Variants in CA10 observed in about 807,000 individuals in gnomAD.
CA10 encodes carbonic anhydrase-related protein 10.
A neutral mutation model predicts 44.2 loss-of-function variants in CA10; 14 were observed. That is an observed-to-expected ratio of 0.32 (90% CI 0.21 to 0.50). The LOEUF is 0.50. Among genes scored for constraint, CA10 ranks in the 20% least tolerant of loss-of-function variants. The pLI is 0.99. For missense variants in CA10, 350 were observed against 409.7 expected, an observed-to-expected ratio of 0.85 and a Z score of 1.26; for synonymous variants, 159 against 141.6, an observed-to-expected ratio of 1.12 and a Z score of -0.87.
At chr17:52,081,069 C>T (rs1987962535) in intron 1 of CA10, among the ~76,000 whole-genome samples, 1 of 152,066 alleles carries the variant, frequency 6.6e-6, no homozygotes, top group South Asian at 2.1e-4. Context: ...CCCACAATCA[C>T]TTTTGTGTAA....
chr17:51,980,341 G>A (rs1347693184), intron 2 of CA10, among the ~76,000 whole-genome samples: 1 of 152,082 alleles, frequency 6.6e-6, no homozygotes, highest in Non-Finnish European at 1.5e-5. Context: ...TTTGAAAAGT[G>A]TCCCTTCATG....
intron 3 of CA10, among the ~76,000 whole-genome samples, chr17:51,784,792 C>T (rs565749905): frequency 6.6e-6 from 1 of 152,192 alleles, no homozygotes; most frequent in Non-Finnish European, 1.5e-5. Context: ...TCCAATTATA[C>T]TCTTTATTTA....
At chr17:51,950,626 G>C (rs1416272051) in intron 2 of CA10, among the ~76,000 whole-genome samples, 2 of 152,076 alleles carry the variant, frequency 1.3e-5, no homozygotes, top group East Asian at 3.9e-4. Context: ...GGAGGAGATA[G>C]TTCCCTATTA....
chr17:52,061,784 G>A (rs965002036), intron 2 of CA10, among the ~76,000 whole-genome samples: 3 of 152,142 alleles, frequency 2.0e-5, no homozygotes, highest in African/African-American at 4.8e-5. Flanking sequence ...GTGGAACTGT[G>A]AGTCAATTAA....
At chr17:52,111,159 T>C (rs141220344) in intron 1 of CA10, among the ~76,000 whole-genome samples, 15 of 152,302 alleles carry the variant, frequency 9.8e-5, no homozygotes, top group Admixed American at 5.9e-4. Context: ...TTGCCAAGAC[T>C]ACACAAGGTT....
intron 4 of CA10, among the ~76,000 whole-genome samples, chr17:51,657,322 C>A (rs1913832950): frequency 6.6e-6 from 1 of 152,152 alleles, no homozygotes; most frequent in Admixed American, 6.5e-5. Context: ...CAGGTCTTAA[C>A]CATGAAAAAG....
intron 1 of CA10, among the ~76,000 whole-genome samples, chr17:52,129,245 T>A (rs1462915695): frequency 1.3e-5 from 2 of 152,228 alleles, no homozygotes; most frequent in African/African-American, 4.8e-5. Flanking sequence ...GGTCTTATAT[T>A]GTTTTATGTG....
intron 3 of CA10, among the ~76,000 whole-genome samples, chr17:51,851,845 C>T (rs1294248718): frequency 6.6e-6 from 1 of 152,242 alleles, no homozygotes; most frequent in East Asian, 1.9e-4. Context: ...GAGCCAAACA[C>T]TTAACTTGTT....
intron 3 of CA10, among the ~76,000 whole-genome samples, chr17:51,902,592 T>G (rs2143933696): frequency 6.6e-6 from 1 of 152,262 alleles, no homozygotes; most frequent in African/African-American, 2.4e-5. Flanking sequence ...CAGTGCTTTC[T>G]TCCATGACAA....
chr17:51,815,508 AC>A (rs1330757072), intron 3 of CA10, among the ~76,000 whole-genome samples: 1 of 152,098 alleles, frequency 6.6e-6, no homozygotes, highest in African/African-American at 2.4e-5. Context: ...CCTGCCTCTT[AC>A]CATGGATTGG....
At chr17:52,043,753 T>A (rs1014422486) in intron 2 of CA10, among the ~76,000 whole-genome samples, 13 of 152,264 alleles carry the variant, frequency 8.5e-5, no homozygotes, top group Non-Finnish European at 1.8e-4. Context: ...TTGTTGAGAA[T>A]TTTTATTATG....
At chr17:51,946,548 G>A (rs1446082488) in intron 2 of CA10, among the ~76,000 whole-genome samples, 9 of 152,096 alleles carry the variant, frequency 5.9e-5, no homozygotes, top group Admixed American at 5.9e-4. Flanking sequence ...CTGGCTGGAT[G>A]AGAGTCTGAC....
intron 2 of CA10, among the ~76,000 whole-genome samples, chr17:52,023,003 G>C (rs930179106): frequency 1.1e-4 from 17 of 152,034 alleles, no homozygotes; most frequent in African/African-American, 4.1e-4. Context: ...TATATTGGAA[G>C]AATCAATATC....
At chr17:51,870,735 G>A (rs1979764518) in intron 3 of CA10, among the ~76,000 whole-genome samples, 1 of 152,192 alleles carries the variant, frequency 6.6e-6, no homozygotes, top group Non-Finnish European at 1.5e-5. Context: ...ACAATCCTTT[G>A]CCCTCTGATC....
intron 4 of CA10, among the ~76,000 whole-genome samples, chr17:51,693,012 T>C (rs1915273422): frequency 6.6e-6 from 1 of 152,232 alleles, no homozygotes; most frequent in African/African-American, 2.4e-5. Context: ...TTCATTTGGT[T>C]TTGACTGGTT....
At chr17:51,734,572 T>G (rs758528828) in intron 4 of CA10, among the ~76,000 whole-genome samples, 4 of 152,190 alleles carry the variant, frequency 2.6e-5, no homozygotes, top group Non-Finnish European at 5.9e-5. Context: ...GCTCAGGGCT[T>G]TGCTTCAAAC....
intron 3 of CA10, among the ~76,000 whole-genome samples, chr17:51,914,113 G>A (rs573828255): frequency 2.6e-5 from 4 of 152,010 alleles, no homozygotes; most frequent in Non-Finnish European, 5.9e-5. Context: ...GATCCACTCT[G>A]AGCCCTGAGG....
At chr17:51,987,653 AAGAC>A (rs1158940060) in intron 2 of CA10, among the ~76,000 whole-genome samples, 2 of 152,094 alleles carry the variant, frequency 1.3e-5, no homozygotes, top group Non-Finnish European at 2.9e-5. Context: ...AAATAAAAAA[AAGAC>A]AGAAAAACTG....
At chr17:52,117,394 A>G (rs1420950996) in intron 1 of CA10, among the ~76,000 whole-genome samples, 2 of 152,356 alleles carry the variant, frequency 1.3e-5, no homozygotes, top group East Asian at 1.9e-4. Flanking sequence ...CCCTGGAAAC[A>G]GCATGCTCTT....
Sources: allele counts gnomAD v4.1 joint callset (sites outside exome capture counted in the v4.1 genomes callset), GRCh38; gene constraint gnomAD v4.1.1; transcripts MANE v1.5; gene names NCBI Gene and HGNC (gene_info 2026-07-23, HGNC 2026-07-21).